The following ZNF761 variants were observed in gnomAD, a reference collection of about 807,000 sequenced individuals.
The protein encoded by ZNF761 is zinc finger protein 761.
Under a neutral mutation model 59.9 loss-of-function variants are expected in ZNF761, and 43 were observed. The observed-to-expected ratio is 0.72, with a 90% CI of 0.56 to 0.92. The LOEUF (loss-of-function observed/expected upper bound fraction) is 0.92, where lower values mean the gene tolerates loss of function less well. Among genes scored for constraint, ZNF761 ranks in the 40% least tolerant of loss-of-function variants. The probability of loss-of-function intolerance (pLI) is 0.00; values close to 1 mark genes in which losing one functional copy is unlikely to be tolerated. For missense variants in ZNF761, 850 were observed against 906.1 expected (o/e 0.94, Z 0.79); for synonymous variants, 294 against 304.8 (o/e 0.96, Z 0.37).
chr19:53,453,622 T>A (rs2086239559), intron 4 of ZNF761, among the ~76,000 whole-genome samples: 1 of 152,190 alleles, frequency 6.6e-6, no homozygotes, highest in Admixed American at 6.5e-5. Flanking sequence ...ACACCTGCCA[T>A]CCCAGGACTT....
intron 2 of ZNF761, 108 bp from the exon 3 acceptor site, chr19:53,447,088 A>C (rs1459841873): frequency 3.1e-6 from 2 of 642,250 alleles, no homozygotes; most frequent in Non-Finnish European, 5.1e-6. Context: ...AGTGGGCAGC[A>C]GACGGGACCA....
rs1020607122 is a variant in ZNF761, at chr19:53,454,924, G to C, written c.417G>C (p.Gln139His). 1.9e-6 allele frequency: 3 copies of C among 1,614,142 alleles called. No homozygotes were observed. Among genetic ancestry groups the C allele is most frequent in the Non-Finnish European group, 2.5e-6 (3 of 1,180,012 alleles). Residue 139 changes from glutamine (Q) to histidine (H), a missense_variant, in exon 5 of 5, where the codon CAG becomes CAC. Transcript: ENST00000684525. ...CTAGAAACAAGCCTATTAAAGATCA[G>C]CTTGGATCAAGCTTTCATTCGCATC... ...SHARNKPIKD[Q>H]LGSSFHSHLP... is the part of the protein sequence containing the mutation.
Position 53,455,047 on chromosome 19 carries a change from T to A in ZNF761, c.540T>A (p.Ile180=). The A allele has an allele frequency of 6.2e-7, 1 of 1,614,120 alleles. No individual in the cohort carries two copies. Among genetic ancestry groups the A allele is most frequent in the Non-Finnish European group, 8.5e-7 (1 of 1,180,016 alleles). The part of the protein sequence containing the change: ...DASLVSTAQR[I]SCRPKTHISN... The stretch of plus-strand genomic sequence containing the variant: ...CCTTGGTTTCAACAGCCCAAAGAAT[T>A]TCTTGTAGGCCCAAAACCCATATAT... Residue 180 remains isoleucine, a synonymous_variant, in exon 5 of 5, where the codon ATT becomes ATA. Coordinates refer to ENST00000684525, the MANE Select transcript of ZNF761 (RefSeq NM_001289951.2).
intron 3 of ZNF761, 151 bp from the exon 4 acceptor site, chr19:53,449,361 G>A (rs1462437184): frequency 6.3e-7 from 1 of 1,593,636 alleles, no homozygotes; most frequent in African/African-American, 1.3e-5. Context: ...AACACAACTG[G>A]GAAGACAAAA....
chr19:53,454,287 G>C (rs1568814847), intron 4 of ZNF761, among the ~76,000 whole-genome samples: 1 of 152,132 alleles, frequency 6.6e-6, no homozygotes, highest in African/African-American at 2.4e-5. Flanking sequence ...TTTGTATACA[G>C]TAAATATGCT....
intron 1 of ZNF761, among the ~76,000 whole-genome samples, chr19:53,432,628 G>A (rs1270452283): frequency 6.6e-6 from 1 of 152,176 alleles, no homozygotes; most frequent in South Asian, 2.1e-4. Context: ...CGGGATGCAG[G>A]CGTCTTACTC....
Position 53,456,866 on chromosome 19 carries a change from C to A in ZNF761, c.*118C>A. On this transcript the variant is annotated 3_prime_UTR_variant, in exon 5 of 5. Coordinates refer to ENST00000684525, the MANE Select transcript of ZNF761 (RefSeq NM_001289951.2). ...ATAAAGTTTACAGTGGCAAATCAAGCCTCAGAAGACAGGAGAATTCATACT... is the reference window on the plus strand; with the variant it reads ...ATAAAGTTTACAGTGGCAAATCAAGACTCAGAAGACAGGAGAATTCATACT... 1 of 1,160,036 alleles carries A rather than the reference C, an allele frequency of 8.6e-7. No individual in the cohort carries two copies. The highest frequency in any genetic ancestry group is 1.4e-5 in the South Asian group (1 of 70,644). 71.9% of individuals were successfully genotyped at this position (1,160,036 alleles called of 1,614,324 possible).
At chr19:53,442,257 T>C in intron 1 of ZNF761, 7 of 1,311,760 alleles carry the variant, frequency 5.3e-6, no homozygotes, top group South Asian at 1.2e-5. Flanking sequence ...GGCTCGTAAG[T>C]TGGTGATCAT....
chr19:53,437,584 C>T (rs546087370), intron 1 of ZNF761, among the ~76,000 whole-genome samples: 10 of 152,226 alleles, frequency 6.6e-5, no homozygotes, highest in East Asian at 1.9e-4. Flanking sequence ...CTTTAAAATG[C>T]AGCGTGATCA....
intron 4 of ZNF761, chr19:53,449,884 G>T: frequency 3.7e-6 from 3 of 803,404 alleles, no homozygotes; most frequent in East Asian, 2.8e-5. Flanking sequence ...TCCAGACAGG[G>T]TCTTGCTGTG....
At position 53,455,289 on chromosome 19, in the gene ZNF761, G is replaced by T; in HGVS notation, c.782G>T (p.Arg261Leu). 6.2e-7 allele frequency: 1 copy of T among 1,614,206 alleles called. No homozygotes were observed. The highest frequency in any genetic ancestry group is 8.5e-7 in the Non-Finnish European group (1 of 1,180,048). Residue 261 changes from arginine (R) to leucine (L), a missense_variant, in exon 5 of 5, where the codon CGT (arginine) becomes CTT (leucine). Coordinates refer to ENST00000684525, the MANE Select transcript of ZNF761 (RefSeq NM_001289951.2). ...CAGAAGCGAAACCTAGCATGCCATC[G>T]TAGATGTCACACTGGTGAGAATCCT... ...FNQKRNLACH[R>L]RCHTGENPYK... is the part of the protein sequence containing the mutation.
At chr19:53,438,572 G>C (rs1322757244) in intron 1 of ZNF761, among the ~76,000 whole-genome samples, 1 of 152,118 alleles carries the variant, frequency 6.6e-6, no homozygotes, top group Non-Finnish European at 1.5e-5. Context: ...TAAAAGAGGG[G>C]CTCCTTTTCC....
At chr19:53,438,991 G>A (rs2086070871) in intron 1 of ZNF761, among the ~76,000 whole-genome samples, 1 of 152,128 alleles carries the variant, frequency 6.6e-6, no homozygotes, top group Non-Finnish European at 1.5e-5. Flanking sequence ...TTGTGGGAGA[G>A]AACGGGGCAT....
intron 1 of ZNF761, chr19:53,443,763 C>T: frequency 6.6e-6 from 1 of 152,042 alleles, no homozygotes. Flanking sequence ...TCCATCCAAG[C>T]CACAAGGGGT....
chr19:53,433,636 C>T (rs1447038841), intron 1 of ZNF761, among the ~76,000 whole-genome samples: 1 of 152,160 alleles, frequency 6.6e-6, no homozygotes, highest in Non-Finnish European at 1.5e-5. Context: ...ATCACTATTA[C>T]TGGATTCTTC....
In ZNF761 at chr19:53,455,537, C is replaced by T; in HGVS notation, c.1030C>T (p.His344Tyr). 6.2e-7 allele frequency: 1 copy of T among 1,612,974 alleles called. No individual in the cohort carries two copies. The change falls in exon 5 of 5, where the codon CAT becomes TAT. Residue 344 changes from histidine (H) to tyrosine (Y), a missense_variant. Physicochemically the swap from His to Tyr is moderately conservative, Grantham distance 83. Coordinates refer to ENST00000684525, the MANE Select transcript of ZNF761 (RefSeq NM_001289951.2). Reference sequence around the variant, plus strand: ...TAGGCAGAAGTCAATCCTTACACGCCATCATCGACTTCATACTGGAGAGAA... The same window carrying T: ...TAGGCAGAAGTCAATCCTTACACGCTATCATCGACTTCATACTGGAGAGAA... ...TFRQKSILTR[H>Y]HRLHTGEKPY...
At chr19:53,447,914 C>T (rs1306452973) in intron 3 of ZNF761, among the ~76,000 whole-genome samples, 1 of 152,144 alleles carries the variant, frequency 6.6e-6, no homozygotes, top group African/African-American at 2.4e-5. Context: ...GCACATTACG[C>T]TCATGGAGAC....
At chr19:53,443,058 T>C (rs2086116822) in intron 1 of ZNF761, 2 of 248,264 alleles carry the variant, frequency 8.1e-6, no homozygotes, top group South Asian at 8.4e-5. Context: ...TTGCGTCCAG[T>C]TCAGATCAAG....
intron 4 of ZNF761, chr19:53,450,211 G>A (rs11084257): frequency 0.11 from 19,935 of 183,572 alleles, 1,171 homozygotes; most frequent in East Asian, 0.21. Flanking sequence ...GCTGAAGCAG[G>A]AGGATCACAT....
Sources: gnomAD v4.1 joint callset for allele counts (sites outside exome capture counted in the v4.1 genomes callset) on GRCh38, gnomAD v4.1.1 for gene constraint, MANE v1.5 for transcripts, NCBI Gene and HGNC (gene_info 2026-07-23, HGNC 2026-07-21) for gene names.